KLHL1: variants seen among roughly 807,000 people sequenced by gnomAD.
The protein encoded by KLHL1 is kelch-like protein 1.
KLHL1 carries 47 observed loss-of-function variants against 77.7 expected under a neutral mutation model. The observed-to-expected ratio is 0.60, with a 90% CI of 0.48 to 0.77. The LOEUF is 0.77. Ranked by LOEUF, KLHL1 falls within the 30% of genes least tolerant of loss-of-function variation. The pLI is 0.00. For missense variants in KLHL1, 925 were observed against 910.8 expected (o/e 1.02, Z -0.20); for synonymous variants, 360 against 325.2 (o/e 1.11, Z -1.15).
At chr13:69,936,769 T>C (rs1310057378) in intron 4 of KLHL1, among the ~76,000 whole-genome samples, 3 of 152,092 alleles carry the variant, frequency 2.0e-5, no homozygotes, top group Non-Finnish European at 4.4e-5. Context: ...GGGAAGTTTC[T>C]ACTGAAGATT....
At chr13:69,966,151 G>A (rs1462165308) in intron 2 of KLHL1, among the ~76,000 whole-genome samples, 1 of 152,124 alleles carries the variant, frequency 6.6e-6, no homozygotes, top group Non-Finnish European at 1.5e-5. Context: ...AATTTTCAGT[G>A]TTGACCATAT....
intron 4 of KLHL1, among the ~76,000 whole-genome samples, chr13:69,921,622 T>A (rs1429253976): frequency 6.6e-6 from 1 of 152,282 alleles, no homozygotes; most frequent in East Asian, 1.9e-4. Context: ...ATTCTATATA[T>A]TGTGGGGAAG....
chr13:69,711,479 A>G (rs1218485656), intron 9 of KLHL1, among the ~76,000 whole-genome samples: 2 of 152,132 alleles, frequency 1.3e-5, no homozygotes, highest in African/African-American at 4.8e-5. Flanking sequence ...CGAGAGTGAC[A>G]ATAGTGTTGG....
intron 7 of KLHL1, among the ~76,000 whole-genome samples, chr13:69,774,237 A>G (rs1221393683): frequency 6.6e-6 from 1 of 152,014 alleles, no homozygotes; most frequent in African/African-American, 2.4e-5. Context: ...CACAGATACA[A>G]ATAGAGTTCA....
chr13:69,959,325 G>A, intron 3 of KLHL1, among the ~76,000 whole-genome samples: 1 of 151,896 alleles, frequency 6.6e-6, no homozygotes, highest in East Asian at 1.9e-4. Context: ...TTTAGTTGCT[G>A]GAAGGATTCC....
chr13:69,985,932 A>G (rs1170153148), intron 1 of KLHL1, among the ~76,000 whole-genome samples: 2 of 148,508 alleles, frequency 1.3e-5, no homozygotes. Context: ...GTAAATATAT[A>G]TGTATTATTT....
chr13:69,969,460 A>G (rs965698275), intron 2 of KLHL1, among the ~76,000 whole-genome samples: 1 of 152,206 alleles, frequency 6.6e-6, no homozygotes, highest in Non-Finnish European at 1.5e-5. Flanking sequence ...AGCATTAATT[A>G]AATCATTGTA....
At chr13:69,932,497 A>G (rs939301961) in intron 4 of KLHL1, among the ~76,000 whole-genome samples, 7 of 151,908 alleles carry the variant, frequency 4.6e-5, no homozygotes, top group African/African-American at 1.7e-4. Context: ...AATGATTGAA[A>G]TCATTAAATA....
At chr13:69,961,217 T>A in intron 3 of KLHL1, 91 bp downstream of exon 3, 2 of 1,245,550 alleles carry the variant, frequency 1.6e-6, no homozygotes, top group East Asian at 4.8e-5. Flanking sequence ...AATACAGAAT[T>A]TTTTTTAAAA....
chr13:70,078,258 A>T (rs1454666645), intron 1 of KLHL1, among the ~76,000 whole-genome samples: 2 of 152,064 alleles, frequency 1.3e-5, no homozygotes, highest in East Asian at 3.9e-4. Flanking sequence ...TTATTACAAC[A>T]TTCACAGTCA....
intron 1 of KLHL1, among the ~76,000 whole-genome samples, chr13:70,053,445 C>G (rs578068667): frequency 6.6e-6 from 1 of 151,936 alleles, no homozygotes. Context: ...TTAGAAACAA[C>G]TCAAGAGACT....
At chr13:69,938,265 G>C (rs1274770651) in intron 4 of KLHL1, among the ~76,000 whole-genome samples, 1 of 152,020 alleles carries the variant, frequency 6.6e-6, no homozygotes, top group Non-Finnish European at 1.5e-5. Flanking sequence ...TAGAATACCA[G>C]AGCATCACAT....
intron 1 of KLHL1, among the ~76,000 whole-genome samples, chr13:70,023,773 T>C (rs1363877218): frequency 6.6e-6 from 1 of 151,962 alleles, no homozygotes; most frequent in African/African-American, 2.4e-5. Context: ...CTAGCTTGTT[T>C]GTATATCCTT....
intron 5 of KLHL1, among the ~76,000 whole-genome samples, chr13:69,849,187 C>T (rs1371615189): frequency 6.6e-6 from 1 of 151,386 alleles, no homozygotes; most frequent in Non-Finnish European, 1.5e-5. Flanking sequence ...TTTCACTCAC[C>T]ACTAATCTAT....
intron 5 of KLHL1, among the ~76,000 whole-genome samples, chr13:69,878,422 A>G (rs550637915): frequency 3.4e-4 from 52 of 152,168 alleles, no homozygotes; most frequent in African/African-American, 1.2e-3. Flanking sequence ...CATCTGCAGG[A>G]ATTACCTTAC....
rs1884522772 is a variant in KLHL1, at chr13:69,975,616, G to T, written c.680+4C>A. The T allele has an allele frequency of 1.9e-6, 3 of 1,612,028 alleles. No individual in the cohort carries two copies. In the East Asian group the frequency reaches 6.7e-5, roughly 36 times the overall value. On this transcript the variant is annotated splice_donor_region_variant and intron_variant, in intron 2 of 10. Transcript: ENST00000377844. ...ATGTTTCCAGTAGAGGCAGACTACT[G>T]TACCTATGTGCAGGTATCTTTCGGT...
At chr13:69,969,058 T>C (rs1348688730) in intron 2 of KLHL1, among the ~76,000 whole-genome samples, 1 of 22,936 alleles carries the variant, frequency 4.4e-5, no homozygotes, top group Non-Finnish European at 1.1e-4. Flanking sequence ...TTTAGGAGAT[T>C]TTTTTTCATT....
intron 10 of KLHL1, among the ~76,000 whole-genome samples, chr13:69,706,344 A>G (rs191593276): frequency 4.6e-5 from 7 of 152,012 alleles, no homozygotes; most frequent in Admixed American, 3.9e-4. Context: ...GAAGAAATTC[A>G]TAATGCAGAT....
At chr13:69,730,957 A>C (rs1464621059) in intron 8 of KLHL1, among the ~76,000 whole-genome samples, 1 of 152,166 alleles carries the variant, frequency 6.6e-6, no homozygotes, top group African/African-American at 2.4e-5. Context: ...TTTACTTTTA[A>C]TATTTAATAT....
Sources: gnomAD v4.1 joint callset for allele counts (sites outside exome capture counted in the v4.1 genomes callset) on GRCh38, gnomAD v4.1.1 for gene constraint, MANE v1.5 for transcripts, NCBI Gene and HGNC (gene_info 2026-07-23, HGNC 2026-07-21) for gene names.